NOL9: variants seen among roughly 807,000 people sequenced by gnomAD.
NOL9 encodes the protein polynucleotide 5'-hydroxyl-kinase NOL9.
A neutral mutation model predicts 67.9 loss-of-function variants in NOL9; 28 were observed. The ratio of observed to expected loss-of-function variants is 0.41; its 90% CI spans 0.31 to 0.57. The LOEUF (loss-of-function observed/expected upper bound fraction) is 0.57. Ranked by LOEUF, NOL9 falls within the 20% of genes least tolerant of loss-of-function variation. NOL9 has a pLI of 0.25. For missense variants in NOL9, 777 were observed against 897.0 expected (o/e 0.87, Z 1.71); for synonymous variants, 356 against 352.2 (o/e 1.01, Z -0.12).
At chr1:6,548,702 A>C (rs1375786265) in intron 3 of NOL9, 1 of 179,772 alleles carries the variant, frequency 5.6e-6, no homozygotes, top group Non-Finnish European at 1.2e-5. Flanking sequence ...AGAAAATATA[A>C]GTTCATTTAA....
intron 5 of NOL9, among the ~76,000 whole-genome samples, 170 bp from the exon 6 acceptor site, chr1:6,542,097 G>C (rs1639305155): frequency 6.6e-6 from 1 of 151,558 alleles, no homozygotes; most frequent in Admixed American, 6.6e-5. Context: ...AACGAGTCCA[G>C]AGAAACGCAG....
intron 9 of NOL9, among the ~76,000 whole-genome samples, chr1:6,530,348 G>A (rs914554930): frequency 2.0e-5 from 3 of 152,190 alleles, no homozygotes; most frequent in South Asian, 4.1e-4. Flanking sequence ...CAGCTACTCG[G>A]GAGGCTGACG....
chr1:6,531,847 GGAT>G, intron 9 of NOL9, 118 bp downstream of exon 9: 1 of 754,800 alleles, frequency 1.3e-6, no homozygotes, highest in Non-Finnish European at 2.3e-6. Flanking sequence ...TGTGTCACTG[GGAT>G]GTTCTGAGGA....
intron 5 of NOL9, among the ~76,000 whole-genome samples, chr1:6,544,082 T>C (rs10779789): frequency 0.98 from 149,180 of 152,222 alleles, 73,188 homozygotes; most frequent in East Asian, 1. Flanking sequence ...GCAGAGAACA[T>C]GCCATTGCAC....
chr1:6,539,918 A>C lies in NOL9; in HGVS notation c.1075+1912T>G, dbSNP rs189535892. ...AATAGCCAAATTCATAGGGACAAAA[A>C]GTAGAACAGAGGTGAAGTCTCTAGG... On this transcript the variant is annotated intron_variant, in intron 6 of 11. Coordinates refer to ENST00000377705, the MANE Select transcript of NOL9 (RefSeq NM_024654.5). Among the ~76,000 whole-genome samples, 4 of 152,360 alleles carry C rather than the reference A, an allele frequency of 2.6e-5. No homozygotes were observed. The East Asian group carries it at 7.7e-4, about 29-fold the overall frequency.
At chr1:6,536,305 C>G (rs1373381839) in intron 6 of NOL9, among the ~76,000 whole-genome samples, 1 of 152,082 alleles carries the variant, frequency 6.6e-6, no homozygotes, top group African/African-American at 2.4e-5. Context: ...GAGATCACGC[C>G]ACTGCACTCC....
At chr1:6,549,447 TTC>T in intron 3 of NOL9, 122 bp downstream of exon 3, 1 of 1,057,020 alleles carries the variant, frequency 9.5e-7, no homozygotes, top group Middle Eastern at 3.0e-4. Context: ...ACGTATTACA[TTC>T]TGTAGGACTG....
chr1:6,537,331 AT>A (rs1339858704), intron 6 of NOL9, among the ~76,000 whole-genome samples: 1 of 152,124 alleles, frequency 6.6e-6, no homozygotes, highest in East Asian at 1.9e-4. Flanking sequence ...CTAGGTAACA[AT>A]TTTTTGGATA....
Position 6,532,759 on chromosome 1 carries a change from G to A in NOL9, c.1239C>T (p.Asp413=), listed in dbSNP as rs750909549. 7.5e-6 allele frequency: 12 copies of A among 1,610,292 alleles called. No homozygotes were observed. Among genetic ancestry groups the A allele is most frequent in the African/African-American group, 1.3e-5 (1 of 74,808 alleles). ...LIVNTMGWVS[D]QGLLLLIDLI... is the part of the protein sequence containing the mutation. ...GATCAATGAGAAGCAGGAGCCCCTG[G>A]TCTGTGGGGAAGAGACATTAGCACA... Residue 413 remains aspartate, a splice_region_variant and synonymous_variant, in exon 8 of 12, where the codon GAC becomes GAT. Transcript: ENST00000377705.
In NOL9 at chr1:6,533,307, T is replaced by C; in HGVS notation, c.1210A>G (p.Ile404Val). 1 of 1,607,846 alleles carries C rather than the reference T, an allele frequency of 6.2e-7. No individual in the cohort carries two copies. The highest frequency in any genetic ancestry group is 1.1e-5 in the South Asian group (1 of 90,166). Residue 404 changes from isoleucine (I) to valine (V), a missense_variant, in exon 7 of 12, where the codon ATC (isoleucine) becomes GTC (valine). Ile to Val is a conservative substitution (Grantham distance 29). Around this residue, in one of 2 missense-constraint regions of NOL9, gnomAD observed 413 missense variants for 552.6 expected, o/e 0.75. Transcript: ENST00000377705. ...FSAYKRESPL[I>V]VNTMGWVSDQ... ...GAAACCCATCCCATAGTGTTGACGA[T>C]GAGAGGGGACTCTCTCTTGTAAGCG...
chr1:6,551,681 C>T (rs1318968519), intron 1 of NOL9, among the ~76,000 whole-genome samples: 1 of 152,016 alleles, frequency 6.6e-6, no homozygotes, highest in African/African-American at 2.4e-5. Flanking sequence ...ATGTCCTTTG[C>T]AGGGACTTGG....
Position 6,549,663 on chromosome 1 carries a change from G to C in NOL9, c.652C>G (p.Gln218Glu), listed in dbSNP as rs758913133. Reference protein sequence around the residue: ...RRWSMQNFSPQCSIVLLEHLK... With the variant: ...RRWSMQNFSPECSIVLLEHLK... ...TGTTCTAGCAACACAATGGAACACTGAGGAGAAAAATTCTGCATCGACCAA... is the reference window on the plus strand; with the variant it reads ...TGTTCTAGCAACACAATGGAACACTCAGGAGAAAAATTCTGCATCGACCAA... Residue 218 changes from glutamine to glutamate, a missense_variant, in exon 3 of 12, where the codon CAG (glutamine) becomes GAG (glutamate). Around this residue, in one of 2 missense-constraint regions of NOL9, gnomAD observed 364 missense variants for 344.4 expected, o/e 1.06. Coordinates refer to ENST00000377705, the MANE Select transcript of NOL9 (RefSeq NM_024654.5). 1.9e-6 allele frequency: 3 copies of C among 1,614,102 alleles called. No individual in the cohort carries two copies. The South Asian group carries it at 3.3e-5, about 18-fold the overall frequency.
Position 6,550,502 on chromosome 1 carries a change from G to C in NOL9, c.510C>G (p.Thr170=), listed in dbSNP as rs1347690933. Residue 170 remains threonine, a synonymous_variant, in exon 2 of 12, where the codon ACC becomes ACG. Transcript: ENST00000377705. ...QPAQDIFSVY[T]HSCLSIHALH... ...GTGCATGGATACTCAAGCAAGAGTG[G>C]GTATACACAGAGAAGATGTCTTGGG... is the stretch of plus-strand genomic sequence containing the variant. 6.2e-7 allele frequency: 1 copy of C among 1,613,998 alleles called. No homozygotes were observed. The highest frequency in any genetic ancestry group is 8.5e-7 in the Non-Finnish European group (1 of 1,179,986).
In NOL9 at chr1:6,532,749, G is replaced by T; in HGVS notation, c.1249C>A (p.Leu417Met). Residue 417 changes from leucine to methionine, a missense_variant, in exon 8 of 12, where the codon CTG becomes ATG. By Grantham distance (15) the Leu-to-Met change is conservative (BLOSUM62 2). This residue lies in a region of NOL9 where 413 missense variants were observed against 552.6 expected (regional missense o/e 0.75). Coordinates refer to ENST00000377705, the MANE Select transcript of NOL9 (RefSeq NM_024654.5). ...AATCGGATCAGATCAATGAGAAGCAGGAGCCCCTGGTCTGTGGGGAAGAGA... is the reference window on the plus strand; with the variant it reads ...AATCGGATCAGATCAATGAGAAGCATGAGCCCCTGGTCTGTGGGGAAGAGA... ...TMGWVSDQGL[L>M]LLIDLIRLLS... The T allele has an allele frequency of 6.2e-7, 1 of 1,612,120 alleles. No individual in the cohort carries two copies.
At chr1:6,544,540 C>G (rs1314875564) in intron 5 of NOL9, among the ~76,000 whole-genome samples, 1 of 9,460 alleles carries the variant, frequency 1.1e-4, no homozygotes, top group African/African-American at 1.6e-4. Flanking sequence ...CACGCACACA[C>G]GCACCCCCCC....
rs767280581 is a variant in NOL9 at position 6,544,939 on chromosome 1, C to G, written c.881-17G>C. 2.5e-6 allele frequency: 4 copies of G among 1,614,066 alleles called. No homozygotes were observed. Among genetic ancestry groups the G allele is most frequent in the Non-Finnish European group, 3.4e-6 (4 of 1,180,040 alleles). Reference sequence around the variant, plus strand: ...CTACTTCTTCTGAATGGGAAACAAACATTGATCGCTAGAATTAGCCGTCTT... The same window carrying G: ...CTACTTCTTCTGAATGGGAAACAAAGATTGATCGCTAGAATTAGCCGTCTT... On this transcript the variant is annotated splice_polypyrimidine_tract_variant and intron_variant, in intron 4 of 11. Transcript: ENST00000377705.
chr1:6,521,714 T>G lies in NOL9; in HGVS notation c.*4140A>C, dbSNP rs1426867657. The G allele has an allele frequency of 1.3e-5, 2 of 152,166 alleles. No individual in the cohort carries two copies. 9.4% of individuals were successfully genotyped at this position (152,166 alleles called of 1,614,324 possible). A position where few individuals can be genotyped will look rare whatever the true frequency, so the allele number is the denominator to read the frequency against. ...GTAAGTAGCTGTGGATTCATTTAGT[T>G]TCTGCATCCCTCCAGCATGACCGTG... On this transcript the variant is annotated 3_prime_UTR_variant, in exon 12 of 12. Coordinates refer to ENST00000377705, the MANE Select transcript of NOL9 (RefSeq NM_024654.5).
rs989008642 is a variant in NOL9 at position 6,531,898 on chromosome 1, G to A, written c.1647+70C>T. ...GGAGTTATGTAGTGGTTAGGAGAGC[G>A]CCCAGCACACAGAAAACCACACAAG... On this transcript the variant is annotated intron_variant, in intron 9 of 11. Transcript: ENST00000377705. 8.2e-5 allele frequency: 95 copies of A among 1,163,922 alleles called. No homozygotes were observed. In the Admixed American group the frequency reaches 9.5e-4, roughly 12 times the overall value. 72.1% of individuals were successfully genotyped at this position (1,163,922 alleles called of 1,614,324 possible).
Position 6,533,285 on chromosome 1 carries a change from AC to A in NOL9, c.1231del (p.Val411PhefsTer12). On this transcript the variant is annotated frameshift_variant, in exon 7 of 12. Coordinates refer to ENST00000377705, the MANE Select transcript of NOL9 (RefSeq NM_024654.5). LOFTEE classifies it high-confidence loss of function. The stretch of plus-strand genomic sequence containing the variant: ...ATGTGCACATGCAGGCTTACCTGAA[AC>A]CCATCCCATAGTGTTGACGATGAGA... ...SPLIVNTMGW[V>X]SDQGLLLLID... is the part of the protein sequence containing the mutation. 6.3e-7 allele frequency: 1 copy of A among 1,594,528 alleles called. No homozygotes were observed. Among genetic ancestry groups the A allele is most frequent in the South Asian group, 1.1e-5 (1 of 88,758 alleles).
Sources: gnomAD v4.1 joint callset for allele counts (sites outside exome capture counted in the v4.1 genomes callset) on GRCh38, gnomAD v4.1.1 for gene constraint, gnomAD v4.1.1 regional missense constraint, MANE v1.5 for transcripts, NCBI Gene and HGNC (gene_info 2026-07-23, HGNC 2026-07-21) for gene names.